TMEM260: variants seen among roughly 807,000 people sequenced by gnomAD.
TMEM260 encodes the protein protein O-mannosyl-transferase TMEM260.
In TMEM260, 82 loss-of-function variants were observed where a neutral mutation model predicts 88.9. The ratio of observed to expected loss-of-function variants is 0.92; its 90% CI spans 0.77 to 1.11. The LOEUF (loss-of-function observed/expected upper bound fraction) is 1.11, where lower values mean the gene tolerates loss of function less well. Among genes scored for constraint, TMEM260 ranks in the 50% least tolerant of loss-of-function variants. TMEM260 has a pLI of 0.00. For synonymous variants in TMEM260, 314 were observed against 309.3 expected, an observed-to-expected ratio of 1.02 and a Z score of -0.16; for missense variants, 902 against 853.4, an observed-to-expected ratio of 1.06 and a Z score of -0.71.
At chr14:56,586,050 T>C in intron 3 of TMEM260, 138 bp downstream of exon 3, 1 of 923,544 alleles carries the variant, frequency 1.1e-6, no homozygotes, top group Non-Finnish European at 1.6e-6. Context: ...TAATTTATAA[T>C]ACTTTCATAT....
At position 56,596,406 on chromosome 14, in the gene TMEM260, G is replaced by GTGTGTA. The variant is rs1290307932; in HGVS notation, c.345-7408_345-7407insGTGTAT. On this transcript the variant is annotated intron_variant, in intron 3 of 15. Transcript: ENST00000261556. ...AGTGTGTGTGTGTGTGTGTGTGTGTGTATATATATATATATATATACATAC... is the reference window on the plus strand; with the variant it reads ...AGTGTGTGTGTGTGTGTGTGTGTGTGTGTGTATATATATATATATATATATACATAC... 2.1e-3 allele frequency among the ~76,000 whole-genome samples: 230 copies of GTGTGTA among 111,308 alleles called. 2 individuals are homozygous for GTGTGTA. Among genetic ancestry groups the GTGTGTA allele is most frequent in the East Asian group, 0.011 (46 of 4,244 alleles). 73.0% of individuals were successfully genotyped at this position (111,308 alleles called of 152,430 possible).
chr14:56,655,887 G>T, the TMEM260 span, among the ~76,000 whole-genome samples: 2 of 152,122 alleles, frequency 1.3e-5, no homozygotes, highest in African/African-American at 4.8e-5. Flanking sequence ...GGAAGTCACT[G>T]TGACTTCCCT....
At position 56,614,935 on chromosome 14, in the gene TMEM260, C is replaced by T. The variant is rs191014023; in HGVS notation, c.858-1009C>T. ...AAGCAAATTAAATTTTTTCCCCATG[C>T]ATATCTCTAAATTGCAATCCTGTAC... On this transcript the variant is annotated intron_variant, in intron 7 of 15. Transcript: ENST00000261556. Among the ~76,000 whole-genome samples, 303 of 152,302 alleles carry T rather than the reference C, an allele frequency of 2.0e-3. 1 individual carries two copies. Among genetic ancestry groups the T allele is most frequent in the East Asian group, 8.7e-3 (45 of 5,186 alleles).
At chr14:56,652,951 TC>T (rs1427226155), downstream of TMEM260, among the ~76,000 whole-genome samples, 1 of 152,118 alleles carries the variant, frequency 6.6e-6, no homozygotes, top group East Asian at 1.9e-4. Context: ...GGTCATGAAG[TC>T]AATTGAGTGA....
intron 11 of TMEM260, among the ~76,000 whole-genome samples, chr14:56,624,546 G>A (rs1430002468): frequency 6.6e-6 from 1 of 152,208 alleles, no homozygotes; most frequent in African/African-American, 2.4e-5. Flanking sequence ...TCCAGCCTGG[G>A]TGACAGAGTG....
At chr14:56,645,530 T>G (rs1343514303) in intron 15 of TMEM260, among the ~76,000 whole-genome samples, 6 of 151,904 alleles carry the variant, frequency 3.9e-5, no homozygotes, top group Non-Finnish European at 8.8e-5. Context: ...CATTAGGAGA[T>G]ATACCTAATG....
At position 56,648,840 on chromosome 14, in the gene TMEM260, G is replaced by A. The variant is rs1342583435; in HGVS notation, c.*1343G>A. ...CCGAGGGCTTTTGAGTGAAATGCCA[G>A]TCATGAAGGTGCTTCAAGACAAGGG... On this transcript the variant is annotated 3_prime_UTR_variant, in exon 16 of 16. Transcript: ENST00000261556. The A allele has an allele frequency of 1.3e-5, 2 of 152,656 alleles. No homozygotes were observed. The highest frequency in any genetic ancestry group is 2.9e-5 in the Non-Finnish European group (2 of 68,056). The allele number at this position is 152,656 out of a possible 1,614,324, so 9.5% of individuals were successfully genotyped here.
At chr14:56,589,621 TA>T (rs899716277) in intron 3 of TMEM260, among the ~76,000 whole-genome samples, 6 of 152,162 alleles carry the variant, frequency 3.9e-5, no homozygotes, top group African/African-American at 1.4e-4. Context: ...TTAATAATAT[TA>T]AAGGTATATT....
In TMEM260 at chr14:56,621,556, G is replaced by A; in HGVS notation, c.1252G>A (p.Val418Met). ...YSVCDQRTNY[V>M]IDKFAKNLLT... ...TGTTTGTGACCAAAGGACCAACTAT[G>A]TGATTGATAAGTTCGCAAAGAACCT... is the stretch of plus-strand genomic sequence containing the variant. The change falls in exon 11 of 16, where the codon GTG (valine) becomes ATG (methionine). Residue 418 changes from valine (V) to methionine (M), a missense_variant. By Grantham distance (21) the Val-to-Met change is conservative. Transcript: ENST00000261556. 1 of 1,608,454 alleles carries A rather than the reference G, an allele frequency of 6.2e-7. No homozygotes were observed. The highest frequency in any genetic ancestry group is 8.5e-7 in the Non-Finnish European group (1 of 1,178,028).
intron 3 of TMEM260, among the ~76,000 whole-genome samples, chr14:56,587,178 A>G (rs1407718402): frequency 4.0e-5 from 6 of 151,828 alleles, no homozygotes; most frequent in Non-Finnish European, 2.9e-5. Context: ...TTGAATGAGT[A>G]TATTATTAAT....
chr14:56,636,680 T>G, intron 15 of TMEM260, 82 bp downstream of exon 15: 1 of 1,195,424 alleles, frequency 8.4e-7, no homozygotes, highest in Non-Finnish European at 1.2e-6. Flanking sequence ...AGAGGGTATA[T>G]CACATTAGAA....
intron 15 of TMEM260, among the ~76,000 whole-genome samples, chr14:56,640,856 G>A (rs1385224320): frequency 1.3e-5 from 2 of 152,196 alleles, no homozygotes; most frequent in African/African-American, 2.4e-5. Flanking sequence ...AAATGCACAA[G>A]CCTCAGTAGC....
intron 12 of TMEM260, among the ~76,000 whole-genome samples, chr14:56,626,779 C>T (rs8005961): frequency 0.25 from 38,264 of 151,934 alleles, 5,417 homozygotes; most frequent in Non-Finnish European, 0.33. Context: ...ATGGAAGTAT[C>T]GTATGCTCTT....
intron 3 of TMEM260, among the ~76,000 whole-genome samples, chr14:56,593,713 A>T (rs1314287952): frequency 1.1e-5 from 1 of 94,528 alleles, no homozygotes; most frequent in African/African-American, 4.0e-5. Context: ...TTTGAGACTG[A>T]GTCTCGGTCT....
At chr14:56,626,582 C>A (rs1307394529) in intron 12 of TMEM260, among the ~76,000 whole-genome samples, 2 of 152,068 alleles carry the variant, frequency 1.3e-5, no homozygotes, top group African/African-American at 4.8e-5. Context: ...ACTATCAATG[C>A]CTTGTAAAGT....
chr14:56,601,032 G>C (rs544891104), intron 3 of TMEM260, among the ~76,000 whole-genome samples: 1 of 152,246 alleles, frequency 6.6e-6, no homozygotes, highest in African/African-American at 2.4e-5. Flanking sequence ...TATAGACCTT[G>C]CTGCTATGGG....
the TMEM260 span, among the ~76,000 whole-genome samples, chr14:56,660,271 G>T: frequency 0.06 from 9,192 of 152,238 alleles, 432 homozygotes; most frequent in East Asian, 0.14. Context: ...AATGTGGTTC[G>T]GAATAGGAGG....
chr14:56,593,757 G>A (rs1015859596), intron 3 of TMEM260, among the ~76,000 whole-genome samples: 2 of 136,068 alleles, frequency 1.5e-5, no homozygotes, highest in Non-Finnish European at 3.0e-5. Context: ...GCGGAATCTC[G>A]GCTCACTGCA....
rs576035643 is a variant in TMEM260 at position 56,597,444 on chromosome 14, G to A, written c.345-6371G>A. On this transcript the variant is annotated intron_variant, in intron 3 of 15. Transcript: ENST00000261556. ...ATTTGCAAAGAAACCCCGAAGTGGA[G>A]AAACAGCTTTTAAGTATAGGGACTT... Among the ~76,000 whole-genome samples, 139 of 152,348 alleles carry A rather than the reference G, an allele frequency of 9.1e-4. 1 individual carries two copies. Among genetic ancestry groups the A allele is most frequent in the Non-Finnish European group, 1.8e-3 (120 of 68,032 alleles).
Sources: allele counts gnomAD v4.1 joint callset (sites outside exome capture counted in the v4.1 genomes callset), GRCh38; gene constraint gnomAD v4.1.1; transcripts MANE v1.5; gene names NCBI Gene and HGNC (gene_info 2026-07-23, HGNC 2026-07-21).